The following LRRC4C variants were observed in gnomAD, a reference collection of about 807,000 sequenced individuals.
LRRC4C encodes the protein leucine rich repeat containing 4C.
Under a neutral mutation model 33.6 loss-of-function variants are expected in LRRC4C, and 5 were observed. That is an observed-to-expected ratio of 0.15 (90% CI 0.08 to 0.31). The LOEUF (loss-of-function observed/expected upper bound fraction) is 0.31. LRRC4C is among the 10% of genes least tolerant of loss of function. The pLI, the probability that LRRC4C is intolerant of heterozygous loss-of-function variation, is 1.00. For missense variants in LRRC4C, 560 were observed against 796.7 expected (o/e 0.70, Z 3.58); for synonymous variants, 329 against 302.0 (o/e 1.09, Z -0.93).
intron 1 of LRRC4C, among the ~76,000 whole-genome samples, chr11:41,376,956 A>G (rs1952958743): frequency 6.6e-6 from 1 of 152,182 alleles, no homozygotes; most frequent in South Asian, 2.1e-4. Context: ...GAAAAATGTT[A>G]TGAAAGAGAA....
chr11:40,756,523 G>T (rs1948955126), intron 2 of LRRC4C, among the ~76,000 whole-genome samples: 2 of 152,000 alleles, frequency 1.3e-5, no homozygotes, highest in South Asian at 4.1e-4. Flanking sequence ...CAAGTACACT[G>T]CCTCAATGAA....
chr11:40,175,061 T>C (rs998608311), intron 5 of LRRC4C, among the ~76,000 whole-genome samples: 1 of 152,198 alleles, frequency 6.6e-6, no homozygotes, highest in Non-Finnish European at 1.5e-5. Flanking sequence ...TGAATACATC[T>C]AGCTCTACCA....
chr11:40,925,474 C>T (rs1957376079), intron 2 of LRRC4C, among the ~76,000 whole-genome samples: 1 of 152,156 alleles, frequency 6.6e-6, no homozygotes, highest in African/African-American at 2.4e-5. Context: ...GCTTGTTAAC[C>T]TGCAAAAGTT....
chr11:40,683,979 C>G (rs750715178), intron 2 of LRRC4C, among the ~76,000 whole-genome samples: 13 of 152,142 alleles, frequency 8.5e-5, no homozygotes, highest in Non-Finnish European at 1.5e-4. Context: ...AATGATATCA[C>G]TGGTACAACT....
In LRRC4C at chr11:40,971,293, A is replaced by G. The variant is rs554002641; in HGVS notation, c.-495-37570T>C. Among the ~76,000 whole-genome samples, 26 of 152,302 alleles carry G rather than the reference A, an allele frequency of 1.7e-4. 1 individual carries two copies. In the South Asian group the frequency reaches 3.5e-3, roughly 21 times the overall value. ...CAGGCCCAGGGCCTCTCTGCCCTGC[A>G]CATCCTCAGGACCCTGGTCCCTGCA... On this transcript the variant is annotated intron_variant, in intron 1 of 6. Transcript: ENST00000528697.
intron 1 of LRRC4C, among the ~76,000 whole-genome samples, chr11:40,973,610 A>C (rs554931275): frequency 6.6e-6 from 1 of 152,160 alleles, no homozygotes; most frequent in Non-Finnish European, 1.5e-5. Context: ...AAGTAAGCTA[A>C]TATTTTATTA....
intron 3 of LRRC4C, among the ~76,000 whole-genome samples, chr11:40,542,145 T>C (rs1170563841): frequency 6.6e-6 from 1 of 151,878 alleles, no homozygotes; most frequent in East Asian, 1.9e-4. Flanking sequence ...AACACAGACC[T>C]GTATGGAGTT....
intron 1 of LRRC4C, among the ~76,000 whole-genome samples, chr11:41,175,164 T>C (rs2136117333): frequency 6.6e-6 from 1 of 152,196 alleles, no homozygotes; most frequent in African/African-American, 2.4e-5. Context: ...ATACCTGTGA[T>C]TCCTGCAACT....
At chr11:40,744,212 G>C (rs1199060167) in intron 2 of LRRC4C, among the ~76,000 whole-genome samples, 2 of 152,050 alleles carry the variant, frequency 1.3e-5, no homozygotes, top group Non-Finnish European at 2.9e-5. Context: ...CAAATATTTA[G>C]TGTGTCAGAT....
intron 2 of LRRC4C, among the ~76,000 whole-genome samples, chr11:40,701,469 T>A (rs1945859908): frequency 6.6e-6 from 1 of 151,894 alleles, no homozygotes; most frequent in Non-Finnish European, 1.5e-5. Context: ...AAACAATTTA[T>A]ATTTTTATTT....
At chr11:41,294,613 A>T (rs191025194) in intron 1 of LRRC4C, among the ~76,000 whole-genome samples, 184 of 152,292 alleles carry the variant, frequency 1.2e-3, no homozygotes, top group Admixed American at 2.0e-3. Flanking sequence ...ACTCTATCAT[A>T]TTATCCCATT....
intron 3 of LRRC4C, among the ~76,000 whole-genome samples, chr11:40,627,074 GTTTTTT>G (rs33969300): frequency 8.9e-6 from 1 of 112,464 alleles, no homozygotes. Flanking sequence ...CAGCTATACT[GTTTTTT>G]TTTTTTTTTT....
intron 1 of LRRC4C, among the ~76,000 whole-genome samples, chr11:41,406,318 G>T (rs551475196): frequency 2.0e-5 from 3 of 152,128 alleles, no homozygotes. Context: ...ACATGAAGAA[G>T]TTGATTTTCT....
At chr11:40,530,677 C>G (rs1184214755) in intron 3 of LRRC4C, among the ~76,000 whole-genome samples, 1 of 152,150 alleles carries the variant, frequency 6.6e-6, no homozygotes, top group Non-Finnish European at 1.5e-5. Context: ...GACAAACCAT[C>G]AGACTGTGAT....
intron 1 of LRRC4C, among the ~76,000 whole-genome samples, chr11:41,411,305 C>T (rs891213138): frequency 3.3e-5 from 5 of 151,264 alleles, no homozygotes; most frequent in Non-Finnish European, 5.9e-5. Flanking sequence ...CCCACCACCA[C>T]GCCCAGCTAA....
chr11:40,201,461 G>A lies in LRRC4C; in HGVS notation c.-96+40058C>T, dbSNP rs541422656. Among the ~76,000 whole-genome samples the A allele has an allele frequency of 3.9e-5, 6 of 152,118 alleles. No homozygotes were observed. In the East Asian group the frequency reaches 5.8e-4, roughly 15 times the overall value. Reference sequence around the variant, plus strand: ...AACAAATCTTTTCCTCTACTTCTACGAAATGAAGCCTTTCACTTTTATCTT... The same window carrying A: ...AACAAATCTTTTCCTCTACTTCTACAAAATGAAGCCTTTCACTTTTATCTT... On this transcript the variant is annotated intron_variant, in intron 5 of 6. Coordinates refer to ENST00000528697, the MANE Select transcript of LRRC4C (RefSeq NM_001258419.2).
At chr11:40,366,184 C>A (rs535204745) in intron 3 of LRRC4C, among the ~76,000 whole-genome samples, 2 of 152,010 alleles carry the variant, frequency 1.3e-5, no homozygotes, top group Admixed American at 6.6e-5. Context: ...CACGGCTGTA[C>A]CAGAAACAGT....
At position 41,049,537 on chromosome 11, in the gene LRRC4C, G is replaced by C. The variant is rs535373161; in HGVS notation, c.-495-115814C>G. On this transcript the variant is annotated intron_variant, in intron 1 of 6. Transcript: ENST00000528697. ...TATTGCTGTGTTAGAAATGGGTTGG[G>C]TAGAAGCAAACATGGAACCACAGAG... is the stretch of plus-strand genomic sequence containing the variant. Among the ~76,000 whole-genome samples, 20 of 152,282 alleles carry C rather than the reference G, an allele frequency of 1.3e-4. No individual in the cohort carries two copies. The South Asian group carries it at 3.9e-3, about 30-fold the overall frequency.
intron 1 of LRRC4C, among the ~76,000 whole-genome samples, chr11:41,032,919 C>A (rs2137842577): frequency 6.6e-6 from 1 of 152,148 alleles, no homozygotes; most frequent in East Asian, 1.9e-4. Flanking sequence ...GCATCATTTT[C>A]ATAAAAAGCA....
Sources: allele counts gnomAD v4.1 joint callset (sites outside exome capture counted in the v4.1 genomes callset), GRCh38; gene constraint gnomAD v4.1.1; transcripts MANE v1.5; gene names NCBI Gene and HGNC (gene_info 2026-07-23, HGNC 2026-07-21).